MLLT10: variants seen among roughly 807,000 people sequenced by gnomAD.
MLLT10 encodes MLLT10 histone lysine methyltransferase DOT1L cofactor.
A neutral mutation model predicts 129.1 loss-of-function variants in MLLT10; 30 were observed. That is an observed-to-expected ratio of 0.23 (90% CI 0.17 to 0.32). MLLT10 has a LOEUF of 0.32. Among genes scored for constraint, MLLT10 ranks in the 10% least tolerant of loss-of-function variants. The pLI, the probability that MLLT10 is intolerant of heterozygous loss-of-function variation, is 1.00. For missense variants in MLLT10, 1,119 were observed against 1,268.3 expected, an observed-to-expected ratio of 0.88 and a Z score of 1.79; for synonymous variants, 490 against 446.4, an observed-to-expected ratio of 1.10 and a Z score of -1.23.
intron 8 of MLLT10, among the ~76,000 whole-genome samples, chr10:21,630,223 A>C (rs896143486): frequency 2.0e-5 from 3 of 152,200 alleles, no homozygotes; most frequent in African/African-American, 7.2e-5. Context: ...GGATCATGAG[A>C]TTGAGGTGGG....
chr10:21,716,968 T>C (rs1247705777), intron 14 of MLLT10, among the ~76,000 whole-genome samples: 1 of 151,488 alleles, frequency 6.6e-6, no homozygotes, highest in African/African-American at 2.4e-5. Flanking sequence ...TTAAGAACTG[T>C]TCCCTGGGCC....
rs142792476 is a variant in MLLT10 at position 21,605,017 on chromosome 10, G to A, written c.406-7331G>A. ...GAGTCCAGGAGTTTGAGGCTTTAGA[G>A]TGTGATTATTGCACCTGTGAACAGC... On this transcript the variant is annotated intron_variant, in intron 5 of 22. Coordinates refer to ENST00000307729, the MANE Select transcript of MLLT10 (RefSeq NM_001195626.3). Among the ~76,000 whole-genome samples the A allele has an allele frequency of 5.8e-3, 883 of 151,156 alleles. 3 individuals carry two copies. The highest frequency in any genetic ancestry group is 0.02 in the African/African-American group (833 of 41,136).
At chr10:21,567,723 T>G (rs2131022855) in intron 3 of MLLT10, among the ~76,000 whole-genome samples, 1 of 152,238 alleles carries the variant, frequency 6.6e-6, no homozygotes, top group African/African-American at 2.4e-5. Context: ...GGTGTTATGC[T>G]GGATTATAGC....
At chr10:21,711,894 A>G (rs1402410163) in intron 13 of MLLT10, among the ~76,000 whole-genome samples, 1 of 152,212 alleles carries the variant, frequency 6.6e-6, no homozygotes, top group East Asian at 1.9e-4. Flanking sequence ...TGTCTCTGTC[A>G]TAGTGCTCTC....
Position 21,556,617 on chromosome 10 carries a change from A to G in MLLT10, c.240+17705A>G, listed in dbSNP as rs529371903. On this transcript the variant is annotated intron_variant, in intron 3 of 22. Coordinates refer to ENST00000307729, the MANE Select transcript of MLLT10 (RefSeq NM_001195626.3). ...AGTTACGCGTTAGTATGTAGTGAAT[A>G]AGGGATTGTTTTGATTGCTTTTCAG... 85 of 1,574,686 alleles carry G rather than the reference A, an allele frequency of 5.4e-5. No individual in the cohort carries two copies. The South Asian group carries it at 8.9e-4, about 16-fold the overall frequency.
intron 13 of MLLT10, among the ~76,000 whole-genome samples, chr10:21,689,546 A>AATATATATATATATATGTAT (rs2053609803): frequency 9.2e-6 from 1 of 108,334 alleles, no homozygotes; most frequent in Non-Finnish European, 1.9e-5. Context: ...TGTGTAAAGT[A>AATATATATATATATATGTAT]ATATATATAT....
intron 9 of MLLT10, among the ~76,000 whole-genome samples, chr10:21,655,372 T>C (rs1407521164): frequency 6.6e-6 from 1 of 152,240 alleles, no homozygotes; most frequent in Non-Finnish European, 1.5e-5. Context: ...CTCTTTTTAA[T>C]ACTCAGACCT....
At chr10:21,693,497 C>A (rs181492013) in intron 13 of MLLT10, among the ~76,000 whole-genome samples, 88 of 151,600 alleles carry the variant, frequency 5.8e-4, no homozygotes, top group Middle Eastern at 3.4e-3. Context: ...GAAAAAAAAA[C>A]CCCAATTTAC....
At chr10:21,624,754 G>A in intron 8 of MLLT10, 3 of 1,204,572 alleles carry the variant, frequency 2.5e-6, no homozygotes, top group Non-Finnish European at 3.6e-6. Flanking sequence ...AATCAGGTTG[G>A]TTGTAAGCAT....
intron 21 of MLLT10, among the ~76,000 whole-genome samples, chr10:21,737,060 T>C (rs113245621): frequency 0.023 from 2,452 of 106,684 alleles, 55 homozygotes; most frequent in African/African-American, 0.087. Context: ...GCTTCTGTGG[T>C]AGGGTAAGAA....
chr10:21,696,448 T>A (rs2054371314), intron 13 of MLLT10, among the ~76,000 whole-genome samples: 1 of 152,122 alleles, frequency 6.6e-6, no homozygotes, highest in South Asian at 2.1e-4. Flanking sequence ...ATTGATTGAT[T>A]TTTCAAACCA....
intron 14 of MLLT10, among the ~76,000 whole-genome samples, chr10:21,717,253 C>CAAAAAAAAAAA (rs747244556): frequency 1.6e-5 from 1 of 63,558 alleles, no homozygotes; most frequent in Non-Finnish European, 2.8e-5. Context: ...AACTCCGTCT[C>CAAAAAAAAAAA]AAAAAAAAAA....
intron 14 of MLLT10, among the ~76,000 whole-genome samples, chr10:21,725,737 A>T (rs1470346708): frequency 6.8e-6 from 1 of 148,124 alleles, no homozygotes; most frequent in Non-Finnish European, 1.5e-5. Flanking sequence ...AAAAAAAAAA[A>T]TTGTAGTTAC....
chr10:21,724,095 C>T (rs2057314655), intron 14 of MLLT10, among the ~76,000 whole-genome samples: 1 of 152,126 alleles, frequency 6.6e-6, no homozygotes, highest in African/African-American at 2.4e-5. Context: ...TATAACTTAC[C>T]TTTTCCCGAG....
chr10:21,643,871 G>A (rs1589398954), intron 8 of MLLT10, among the ~76,000 whole-genome samples: 1 of 151,928 alleles, frequency 6.6e-6, no homozygotes, highest in African/African-American at 2.4e-5. Flanking sequence ...AGGGATACAC[G>A]TTATCTTATG....
intron 8 of MLLT10, among the ~76,000 whole-genome samples, chr10:21,650,743 T>G (rs1744600725): frequency 1.3e-5 from 2 of 152,326 alleles, no homozygotes; most frequent in Middle Eastern, 3.4e-3. Context: ...TAAGTTGGAC[T>G]TCCAATATGT....
intron 8 of MLLT10, among the ~76,000 whole-genome samples, chr10:21,636,965 A>G (rs1309680892): frequency 1.3e-5 from 2 of 152,198 alleles, no homozygotes; most frequent in East Asian, 3.8e-4. Context: ...GAAAGCCATC[A>G]TTACTTTTTT....
intron 13 of MLLT10, 67 bp downstream of exon 13, chr10:21,682,324 C>G (rs1033823326): frequency 5.8e-5 from 81 of 1,394,296 alleles, no homozygotes; most frequent in Non-Finnish European, 7.2e-5. Flanking sequence ...TAGAGAATCT[C>G]GATTGAAAGC....
rs183435501 is a variant in MLLT10 at position 21,602,865 on chromosome 10, G to A, written c.405+7425G>A. Among the ~76,000 whole-genome samples, 134 of 151,856 alleles carry A rather than the reference G, an allele frequency of 8.8e-4. No homozygotes were observed. In the South Asian group the frequency reaches 0.014, roughly 16 times the overall value. On this transcript the variant is annotated intron_variant, in intron 5 of 22. Coordinates refer to ENST00000307729, the MANE Select transcript of MLLT10 (RefSeq NM_001195626.3). ...CTGCCTCAGCCTCCCGAGTAGCTGG[G>A]ACTACAGGTGCCCTCCACCACGCCC...
Sources: allele counts gnomAD v4.1 joint callset (sites outside exome capture counted in the v4.1 genomes callset), GRCh38; gene constraint gnomAD v4.1.1; transcripts MANE v1.5; gene names NCBI Gene and HGNC (gene_info 2026-07-23, HGNC 2026-07-21).